Variants in ELAVL3 observed in about 807,000 individuals in gnomAD.
ELAVL3 encodes ELAV-like protein 3.
A neutral mutation model predicts 34.2 loss-of-function variants in ELAVL3; 8 were observed. The ratio of observed to expected loss-of-function variants is 0.23; its 90% CI spans 0.14 to 0.42. The LOEUF is 0.42. Ranked by LOEUF, ELAVL3 falls within the 10% of genes least tolerant of loss-of-function variation. ELAVL3 has a pLI of 1.00. For missense variants in ELAVL3, 273 were observed against 518.8 expected (o/e 0.53, Z 4.60); for synonymous variants, 209 against 222.1 (o/e 0.94, Z 0.53).
At position 11,454,603 on chromosome 19, in the gene ELAVL3, C is replaced by T. The variant is rs761571357; in HGVS notation, c.1027G>A (p.Ala343Thr). 7 of 1,614,206 alleles carry T rather than the reference C, an allele frequency of 4.3e-6. No individual in the cohort carries two copies. Among genetic ancestry groups the T allele is most frequent in the South Asian group, 3.3e-5 (3 of 91,090 alleles). ...TNYDEAAMAI[A>T]SLNGYRLGER... ...CCCAGGCGATAGCCGTTCAGGCTGG[C>T]GATGGCCATGGCCGCCTCGTCATAG... The change falls in exon 7 of 7, where the codon GCC (alanine) becomes ACC (threonine). Residue 343 changes from alanine to threonine, a missense_variant. Coordinates refer to ENST00000359227, the MANE Select transcript of ELAVL3 (RefSeq NM_001420.4). This position sits in a 1 kb window ranked among gnomAD's most constrained non-coding sequence, Gnocchi z 9.2.
chr19:11,479,952 C>T (rs1042315669), intron 1 of ELAVL3, among the ~76,000 whole-genome samples: 2 of 151,526 alleles, frequency 1.3e-5, no homozygotes, highest in African/African-American at 2.4e-5. Context: ...CCTCCTCTCC[C>T]CTCCCCCTCC....
In ELAVL3 at chr19:11,480,087, G is replaced by A. The variant is rs961854842; in HGVS notation, c.9+513C>T. 1.3e-5 allele frequency among the ~76,000 whole-genome samples: 2 copies of A among 151,702 alleles called. No homozygotes were observed. Among genetic ancestry groups the A allele is most frequent in the Admixed American group, 6.6e-5 (1 of 15,248 alleles). ...GCGCGCCCCCTCCTCTCCCCTCCCC[G>A]CTTGCCGCAAGGTCGACGGGCTCGA... On this transcript the variant is annotated intron_variant, in intron 1 of 6. Transcript: ENST00000359227. This position sits in a 1 kb window ranked among gnomAD's most constrained non-coding sequence, Gnocchi z 6.8.
Position 11,464,637 on chromosome 19 carries a change from C to CA in ELAVL3, c.333+1534_333+1535insT, listed in dbSNP as rs1200788725. Among the ~76,000 whole-genome samples the CA allele has an allele frequency of 1.7e-3, 241 of 139,506 alleles. 3 individuals are homozygous for CA. Among genetic ancestry groups the CA allele is most frequent in the South Asian group, 0.01 (43 of 4,256 alleles). The allele number at this position is 139,506 out of a possible 152,430, so 91.5% of individuals were successfully genotyped here. On this transcript the variant is annotated intron_variant, in intron 3 of 6. Coordinates refer to ENST00000359227, the MANE Select transcript of ELAVL3 (RefSeq NM_001420.4). ...ACACACCACACACACACCACACACA[C>CA]CACACATACACATACATGACACACA...
At chr19:11,465,290 CACCA>C (rs1487701879) in intron 3 of ELAVL3, among the ~76,000 whole-genome samples, 10,764 of 147,278 alleles carry the variant, frequency 0.073, 1,351 homozygotes, top group African/African-American at 0.26. Context: ...CACACACACA[CACCA>C]CACACACACA....
intron 3 of ELAVL3, among the ~76,000 whole-genome samples, chr19:11,463,604 G>A (rs972974525): frequency 6.6e-6 from 1 of 152,084 alleles, no homozygotes; most frequent in African/African-American, 2.4e-5. Context: ...TCCTGCCAGA[G>A]CCAGACGCAT....
Position 11,454,479 on chromosome 19 carries a change from CT to C in ELAVL3, c.*46del. 1 of 1,474,104 alleles carries C rather than the reference CT, an allele frequency of 6.8e-7. No individual in the cohort carries two copies. The highest frequency in any genetic ancestry group is 9.1e-7 in the Non-Finnish European group (1 of 1,102,510). 91.3% of individuals were successfully genotyped at this position (1,474,104 alleles called of 1,614,324 possible). The stretch of plus-strand genomic sequence containing the variant: ...TCTCTCTCTCTCTCTTTCTCTCTCT[CT>C]CTCTCTGCTGCCCGGGGAGGGGGTG... On this transcript the variant is annotated 3_prime_UTR_variant, in exon 7 of 7. Coordinates refer to ENST00000359227, the MANE Select transcript of ELAVL3 (RefSeq NM_001420.4). The surrounding 1 kb of genome is among the most constrained non-coding windows in gnomAD (Gnocchi z 9.2).
rs373766267 is a variant in ELAVL3 at position 11,451,567 on chromosome 19, G to A, written c.*2959C>T. Reference sequence around the variant, plus strand: ...ACTCTGTCGTGATTTGAAACCTTCCGAATAAATAACAGGATGAAGGGAGGG... The same window carrying A: ...ACTCTGTCGTGATTTGAAACCTTCCAAATAAATAACAGGATGAAGGGAGGG... On this transcript the variant is annotated 3_prime_UTR_variant, in exon 7 of 7. Transcript: ENST00000359227. 2.2e-4 allele frequency: 29 copies of A among 130,102 alleles called. No individual in the cohort carries two copies. Among genetic ancestry groups the A allele is most frequent in the Middle Eastern group, 4.8e-3 (1 of 208 alleles). The allele number at this position is 130,102 out of a possible 1,614,324, so 8.1% of individuals were successfully genotyped here.
At chr19:11,478,176 G>A (rs1272659621) in intron 1 of ELAVL3, among the ~76,000 whole-genome samples, 3 of 152,262 alleles carry the variant, frequency 2.0e-5, no homozygotes, top group East Asian at 3.9e-4. Context: ...CTCCTGATCC[G>A]ATGACCCTAG....
At chr19:11,460,410 G>A (rs369395508) in intron 3 of ELAVL3, among the ~76,000 whole-genome samples, 112 of 148,672 alleles carry the variant, frequency 7.5e-4, no homozygotes, top group Middle Eastern at 3.6e-3. Context: ...GAGCCAGGTC[G>A]CATCCCCCCT....
At chr19:11,456,994 A>T in intron 6 of ELAVL3, 116 bp downstream of exon 6, 1 of 926,572 alleles carries the variant, frequency 1.1e-6, no homozygotes. Context: ...TGGCCATGCT[A>T]CTCCAAGACC....
chr19:11,464,725 TCACACACACACCA>T (rs1970982185), intron 3 of ELAVL3, among the ~76,000 whole-genome samples: 2 of 43,048 alleles, frequency 4.6e-5, no homozygotes, highest in East Asian at 7.4e-4. Context: ...CACACACACA[TCACACACACACCA>T]CACACATACA....
At chr19:11,476,800 G>A (rs1237621341) in intron 1 of ELAVL3, among the ~76,000 whole-genome samples, 1 of 152,126 alleles carries the variant, frequency 6.6e-6, no homozygotes, top group African/African-American at 2.4e-5. Context: ...TCGAGAGGCT[G>A]AGGCAGGAGA....
chr19:11,470,596 G>A (rs907128291), intron 1 of ELAVL3, among the ~76,000 whole-genome samples: 3 of 151,960 alleles, frequency 2.0e-5, no homozygotes, highest in Non-Finnish European at 4.4e-5. Flanking sequence ...AGAATCGCTT[G>A]AACCTGGGAG....
At chr19:11,459,558 C>A (rs1002652421) in intron 3 of ELAVL3, among the ~76,000 whole-genome samples, 6 of 151,506 alleles carry the variant, frequency 4.0e-5, no homozygotes, top group Non-Finnish European at 7.4e-5. Context: ...TGAGCCACCT[C>A]CCCCGGCCTC....
At chr19:11,475,511 C>A (rs1971245863) in intron 1 of ELAVL3, among the ~76,000 whole-genome samples, 1 of 151,990 alleles carries the variant, frequency 6.6e-6, no homozygotes, top group African/African-American at 2.4e-5. Context: ...GCTATGTTGC[C>A]CAGGCTGTTC....
intron 5 of ELAVL3, 44 bp from the exon 6 acceptor site, chr19:11,457,192 C>T (rs746612360): frequency 4.0e-5 from 62 of 1,534,084 alleles, no homozygotes; most frequent in Non-Finnish European, 5.3e-5. Flanking sequence ...TCCAGTCACG[C>T]CCCCCTGCTG....
chr19:11,464,119 C>CTCTG (rs1568381877), intron 3 of ELAVL3, among the ~76,000 whole-genome samples: 6 of 125,814 alleles, frequency 4.8e-5, no homozygotes, highest in African/African-American at 1.5e-4. Flanking sequence ...CTCTGTCTCT[C>CTCTG]TCTGTCTCTC....
At chr19:11,456,967 G>C in intron 6 of ELAVL3, 143 bp downstream of exon 6, 1 of 737,940 alleles carries the variant, frequency 1.4e-6, no homozygotes, top group South Asian at 2.5e-5. Context: ...GTCTGGCTTT[G>C]ATGTCACATC....
intron 3 of ELAVL3, among the ~76,000 whole-genome samples, chr19:11,459,582 A>T (rs568503425): frequency 2.1e-5 from 3 of 146,016 alleles, no homozygotes; most frequent in Admixed American, 6.8e-5. Flanking sequence ...TAATCTTTAA[A>T]TTTTTTTTTT....
Sources: allele counts gnomAD v4.1 joint callset (sites outside exome capture counted in the v4.1 genomes callset), GRCh38; gene constraint gnomAD v4.1.1; non-coding constraint Gnocchi (gnomAD v3.1); transcripts MANE v1.5; gene names NCBI Gene and HGNC (gene_info 2026-07-23, HGNC 2026-07-21).